The following ADGRB3 variants were observed in gnomAD, a reference collection of about 807,000 sequenced individuals.
The protein encoded by ADGRB3 is adhesion G protein-coupled receptor B3, also known as brain-specific angiogenesis inhibitor 3.
ADGRB3 carries 37 observed loss-of-function variants against 193.4 expected under a neutral mutation model. The ratio of observed to expected loss-of-function variants is 0.19; its 90% confidence interval spans 0.15 to 0.25. The LOEUF (loss-of-function observed/expected upper bound fraction) is 0.25. Ranked by LOEUF, ADGRB3 falls within the 10% of genes least tolerant of loss-of-function variation. ADGRB3 has a pLI of 1.00. For synonymous variants in ADGRB3, 690 were observed against 644.2 expected (o/e 1.07, Z -1.08); for missense variants, 1,637 against 1,852.9 (o/e 0.88, Z 2.14).
chr6:69,191,807 T>C (rs1765193818), intron 17 of ADGRB3, among the ~76,000 whole-genome samples: 1 of 152,000 alleles, frequency 6.6e-6, no homozygotes, highest in Admixed American at 6.6e-5. Flanking sequence ...GGGGAGACCA[T>C]AAAACAAGTA....
chr6:69,144,361 T>C (rs568861046), intron 17 of ADGRB3, among the ~76,000 whole-genome samples: 1 of 152,340 alleles, frequency 6.6e-6, no homozygotes, highest in Admixed American at 6.5e-5. Flanking sequence ...CAAACAAGGA[T>C]AATTTGACTT....
chr6:68,672,150 C>CT lies in ADGRB3; in HGVS notation c.757+32727dup, dbSNP rs147598760. 1.3e-3 allele frequency among the ~76,000 whole-genome samples: 195 copies of CT among 151,088 alleles called. 1 individual carries two copies. Among genetic ancestry groups the CT allele is most frequent in the African/African-American group, 4.3e-3 (178 of 41,250 alleles). On this transcript the variant is annotated intron_variant, in intron 3 of 31. Coordinates refer to ENST00000370598, the MANE Select transcript of ADGRB3 (RefSeq NM_001704.3). Reference sequence around the variant, plus strand: ...GATTTTATTTATTTGAATCCTCTCTCTTTTTTTTTCTTAGTCTGGCTAAAA... The same window carrying CT: ...GATTTTATTTATTTGAATCCTCTCTCTTTTTTTTTTCTTAGTCTGGCTAAAA...
At chr6:68,872,638 A>G (rs1274278221) in intron 3 of ADGRB3, among the ~76,000 whole-genome samples, 2 of 152,106 alleles carry the variant, frequency 1.3e-5, no homozygotes, top group Non-Finnish European at 2.9e-5. Flanking sequence ...GAATGGGTTT[A>G]TTAGTTCTGT....
chr6:69,272,902 T>C (rs1257574825), intron 20 of ADGRB3, among the ~76,000 whole-genome samples: 3 of 152,162 alleles, frequency 2.0e-5, no homozygotes, highest in South Asian at 4.1e-4. Flanking sequence ...ATTACCATTT[T>C]TGTTTTGTTT....
intron 18 of ADGRB3, 40 bp downstream of exon 18, chr6:69,233,456 A>C (rs757756566): frequency 6.2e-7 from 1 of 1,611,632 alleles, no homozygotes. Context: ...ACGCAAAGAC[A>C]GGGATATTGT....
At chr6:68,652,091 G>A (rs1768379649) in intron 3 of ADGRB3, among the ~76,000 whole-genome samples, 1 of 152,026 alleles carries the variant, frequency 6.6e-6, no homozygotes, top group East Asian at 1.9e-4. Flanking sequence ...GAGTTTGCCT[G>A]AGTCTAACTC....
At chr6:68,782,825 T>G (rs1246396837) in intron 3 of ADGRB3, among the ~76,000 whole-genome samples, 1 of 151,070 alleles carries the variant, frequency 6.6e-6, no homozygotes, top group African/African-American at 2.5e-5. Flanking sequence ...GGGTTGTTTG[T>G]TTTTTTTCTT....
At chr6:68,842,446 A>T (rs966287758) in intron 3 of ADGRB3, among the ~76,000 whole-genome samples, 1 of 152,014 alleles carries the variant, frequency 6.6e-6, no homozygotes, top group African/African-American at 2.4e-5. Context: ...ATTCCTAGAC[A>T]CATGCAGCCT....
intron 17 of ADGRB3, among the ~76,000 whole-genome samples, chr6:69,113,906 T>TG (rs748677464): frequency 2.8e-4 from 42 of 152,304 alleles, no homozygotes; most frequent in South Asian, 1.2e-3. Context: ...TTATACAGCA[T>TG]GGGGGCTCTC....
intron 27 of ADGRB3, among the ~76,000 whole-genome samples, chr6:69,354,552 T>C (rs1436842259): frequency 6.6e-6 from 1 of 152,184 alleles, no homozygotes; most frequent in Admixed American, 6.5e-5. Context: ...GGGAGTCCTA[T>C]GCAACACTGT....
At chr6:69,156,297 G>C (rs1027755243) in intron 17 of ADGRB3, among the ~76,000 whole-genome samples, 2 of 152,188 alleles carry the variant, frequency 1.3e-5, no homozygotes, top group African/African-American at 4.8e-5. Flanking sequence ...TGTGTGAGCA[G>C]GGAGGCTCAG....
chr6:68,895,586 T>A (rs1218518040), intron 3 of ADGRB3, among the ~76,000 whole-genome samples: 1 of 152,002 alleles, frequency 6.6e-6, no homozygotes, highest in African/African-American at 2.4e-5. Context: ...TATATAAATA[T>A]AAATACCTAC....
chr6:69,136,376 C>T (rs908371836), intron 17 of ADGRB3, among the ~76,000 whole-genome samples: 13 of 152,060 alleles, frequency 8.5e-5, no homozygotes, highest in Admixed American at 5.9e-4. Context: ...ATACTTACAA[C>T]TTTTCTCTAT....
At chr6:69,187,217 C>A (rs1003881124) in intron 17 of ADGRB3, among the ~76,000 whole-genome samples, 1 of 151,894 alleles carries the variant, frequency 6.6e-6, no homozygotes, top group Non-Finnish European at 1.5e-5. Context: ...TTATTTTTGC[C>A]TTTAAAAACG....
At chr6:68,851,867 A>G (rs566190) in intron 3 of ADGRB3, among the ~76,000 whole-genome samples, 132,591 of 151,778 alleles carry the variant, frequency 0.87, 58,184 homozygotes, top group Middle Eastern at 0.95. Context: ...AATAAAAGTT[A>G]CACTAAAGAT....
chr6:68,890,898 T>C (rs10945146), intron 3 of ADGRB3, among the ~76,000 whole-genome samples: 20,772 of 152,198 alleles, frequency 0.14, 1,833 homozygotes, highest in Middle Eastern at 0.2. Context: ...TAGTATAAGC[T>C]AACTTGAGGA....
chr6:68,871,169 C>T (rs1041436355), intron 3 of ADGRB3, among the ~76,000 whole-genome samples: 9 of 152,174 alleles, frequency 5.9e-5, no homozygotes, highest in African/African-American at 9.6e-5. Context: ...TTCTTATGAA[C>T]AACTTTACTT....
intron 3 of ADGRB3, among the ~76,000 whole-genome samples, chr6:68,666,066 C>T (rs1335719121): frequency 2.0e-5 from 3 of 151,850 alleles, no homozygotes; most frequent in Non-Finnish European, 4.4e-5. Flanking sequence ...TGACCTTAGG[C>T]GAGACACTTC....
At chr6:68,654,092 T>G (rs558751579) in intron 3 of ADGRB3, among the ~76,000 whole-genome samples, 1 of 152,214 alleles carries the variant, frequency 6.6e-6, no homozygotes, top group East Asian at 1.9e-4. Context: ...TGTAATCACT[T>G]AGTAAGCACT....
Sources: gnomAD v4.1 joint callset for allele counts (sites outside exome capture counted in the v4.1 genomes callset) on GRCh38, gnomAD v4.1.1 for gene constraint, MANE v1.5 for transcripts, NCBI Gene and HGNC (gene_info 2026-07-23, HGNC 2026-07-21) for gene names.